GATA2: variants seen among roughly 807,000 people sequenced by gnomAD.
GATA2 encodes the protein GATA binding protein 2.
In GATA2, 6 loss-of-function variants were observed where a neutral mutation model predicts 35.7. The ratio of observed to expected loss-of-function variants is 0.17; its 90% CI spans 0.09 to 0.33. GATA2 has a LOEUF of 0.33. GATA2 is among the 10% of genes least tolerant of loss of function. The probability of loss-of-function intolerance (pLI) is 1.00; values close to 1 mark genes in which losing one functional copy is unlikely to be tolerated. For synonymous variants in GATA2, 313 were observed against 274.9 expected (o/e 1.14, Z -1.37); for missense variants, 541 against 656.6 (o/e 0.82, Z 1.92).
Position 128,485,977 on chromosome 3 carries a change from G to C in GATA2, c.621C>G (p.Asp207Glu). 1 of 1,614,204 alleles carries C rather than the reference G, an allele frequency of 6.2e-7. No homozygotes were observed. The highest frequency in any genetic ancestry group is 8.5e-7 in the Non-Finnish European group (1 of 1,180,038). ...SAGGSAARGE[D>E]KDGVKYQVSL... ...ACACCTGGTACTTGACGCCGTCCTT[G>C]TCCTCTCCTCGGGCTGCACTACCCC... The change falls in exon 3 of 6, where the codon GAC (aspartate) becomes GAG (glutamate). Residue 207 changes from aspartate to glutamate, a missense_variant. Around this residue, in one of 5 missense-constraint regions of GATA2, gnomAD observed 389 missense variants for 396.9 expected, o/e 0.98. Coordinates refer to ENST00000341105, the MANE Select transcript of GATA2 (RefSeq NM_032638.5).
In GATA2 at chr3:128,482,109, C is replaced by T. The variant is rs116972239; in HGVS notation, c.1018-165G>A. On this transcript the variant is annotated intron_variant, in intron 4 of 5. Transcript: ENST00000341105. ...ACCATGGAATTTTAGAATTTGAGAA[C>T]GAAATAAGTCAAGACTCACAGAACT... 6.6e-4 allele frequency: 577 copies of T among 875,438 alleles called. 3 individuals carry two copies. The East Asian group carries it at 0.014, about 22-fold the overall frequency. 54.2% of individuals were successfully genotyped at this position (875,438 alleles called of 1,614,324 possible).
chr3:128,480,599 C>T lies in GATA2; in HGVS notation c.*420G>A, dbSNP rs557984557. On this transcript the variant is annotated 3_prime_UTR_variant, in exon 6 of 6. Transcript: ENST00000341105. ...CCCCCAGAGCCCTGGCAAGTGGACCCGCCAATCCCGAGGAAGAACCGGAGG... is the reference window on the plus strand; with the variant it reads ...CCCCCAGAGCCCTGGCAAGTGGACCTGCCAATCCCGAGGAAGAACCGGAGG... 13 of 271,022 alleles carry T rather than the reference C, an allele frequency of 4.8e-5. No individual in the cohort carries two copies. In the South Asian group the frequency reaches 1.6e-3, roughly 34 times the overall value. 16.8% of individuals were successfully genotyped at this position (271,022 alleles called of 1,614,324 possible).
chr3:128,482,918 G>T (rs62270944), intron 4 of GATA2, among the ~76,000 whole-genome samples: 1 of 152,260 alleles, frequency 6.6e-6, no homozygotes, highest in Non-Finnish European at 1.5e-5. Flanking sequence ...GGGGCTGGGG[G>T]CTGAGGCCTG....
At position 128,481,067 on chromosome 3, in the gene GATA2, G is replaced by A; in HGVS notation, c.1395C>T (p.Leu465=). The change falls in exon 6 of 6, where the codon CTC becomes CTT. Residue 465 remains leucine (L), a synonymous_variant. Coordinates refer to ENST00000341105, the MANE Select transcript of GATA2 (RefSeq NM_032638.5). ...TGGACGGGTGGGGGTGGCCGAAGGA[G>A]AGGCTGGAGGAGGGGTGGATGGGCG... ...TPTPIHPSSS[L]SFGHPHPSSM... 6.2e-7 allele frequency: 1 copy of A among 1,603,364 alleles called. No homozygotes were observed.
In GATA2 at chr3:128,486,018, C is replaced by T; in HGVS notation, c.580G>A (p.Ala194Thr). The T allele has an allele frequency of 6.2e-7, 1 of 1,614,122 alleles. No individual in the cohort carries two copies. The highest frequency in any genetic ancestry group is 1.1e-5 in the South Asian group (1 of 91,088). ...DPSTTGAASP[A>T]SSSAGGSAAR... ...GCACTACCCCCCGCGGAAGATGAGG[C>T]TGGAGACGCAGCCCCCGTGGTGCTA... Residue 194 changes from alanine (A) to threonine (T), a missense_variant, in exon 3 of 6, where the codon GCC becomes ACC. This residue lies in a region of GATA2 where 389 missense variants were observed against 396.9 expected (regional missense o/e 0.98). Coordinates refer to ENST00000341105, the MANE Select transcript of GATA2 (RefSeq NM_032638.5).
chr3:128,486,796 T>C lies in GATA2; in HGVS notation c.229+7A>G, dbSNP rs747074892. 5.6e-6 allele frequency: 9 copies of C among 1,594,472 alleles called. No homozygotes were observed. The highest frequency in any genetic ancestry group is 4.6e-5 in the South Asian group (4 of 87,612). On this transcript the variant is annotated splice_region_variant and intron_variant, in intron 2 of 5. Coordinates refer to ENST00000341105, the MANE Select transcript of GATA2 (RefSeq NM_032638.5). Reference sequence around the variant, plus strand: ...TGGGTTCTCATCACCACGGGCCCAGTGCTCACCGTGCGCGGGGCTGTAGGA... The same window carrying C: ...TGGGTTCTCATCACCACGGGCCCAGCGCTCACCGTGCGCGGGGCTGTAGGA...
chr3:128,483,645 G>A lies in GATA2; in HGVS notation c.1017+215C>T, dbSNP rs55665236. On this transcript the variant is annotated intron_variant, in intron 4 of 5. Transcript: ENST00000341105. The stretch of plus-strand genomic sequence containing the variant: ...CGGAGCAGAGTGGGGTGGCGCAAGG[G>A]TGCCCGGTGGGCTCCCTATACCCGA... Among the ~76,000 whole-genome samples the A allele has an allele frequency of 0.014, 2,206 of 152,290 alleles. 35 individuals are homozygous for A. The highest frequency in any genetic ancestry group is 0.041 in the Middle Eastern group (12 of 294).
At chr3:128,482,401 G>C (rs545344295) in intron 4 of GATA2, among the ~76,000 whole-genome samples, 1 of 152,164 alleles carries the variant, frequency 6.6e-6, no homozygotes, top group Admixed American at 6.5e-5. Context: ...AGTCAGTGTC[G>C]CTGAGGCCAG....
Position 128,485,951 on chromosome 3 carries a change from G to A in GATA2, c.647C>T (p.Ser216Leu). Residue 216 changes from serine to leucine, a missense_variant, in exon 3 of 6, where the codon TCA (serine) becomes TTA (leucine). Physicochemically the swap from Ser to Leu is moderately radical, Grantham distance 145. Coordinates refer to ENST00000341105, the MANE Select transcript of GATA2 (RefSeq NM_032638.5). The part of the protein sequence containing the change: ...EDKDGVKYQV[S>L]LTESMKMESG... ...TTCCATCTTCATGCTCTCCGTCAGT[G>A]ACACCTGGTACTTGACGCCGTCCTT... 1 of 1,614,188 alleles carries A rather than the reference G, an allele frequency of 6.2e-7. No homozygotes were observed. Among genetic ancestry groups the A allele is most frequent in the Admixed American group, 1.7e-5 (1 of 60,032 alleles).
chr3:128,483,785 G>T, intron 4 of GATA2, 75 bp downstream of exon 4: 1 of 1,589,536 alleles, frequency 6.3e-7, no homozygotes. Context: ...GCATTTGAAG[G>T]AGTTTTTTTC....
At chr3:128,482,908 G>A (rs1321329531) in intron 4 of GATA2, among the ~76,000 whole-genome samples, 2 of 152,240 alleles carry the variant, frequency 1.3e-5, no homozygotes, top group African/African-American at 2.4e-5. Context: ...GTGAGTGTGG[G>A]GGGCTGGGGG....
Position 128,480,772 on chromosome 3 carries a change from G to C in GATA2, c.*247C>G, listed in dbSNP as rs1337479254. The C allele has an allele frequency of 2.0e-6, 1 of 509,400 alleles. No homozygotes were observed. Among genetic ancestry groups the C allele is most frequent in the African/African-American group, 1.9e-5 (1 of 52,510 alleles). The allele number at this position is 509,400 out of a possible 1,614,324, so 31.6% of individuals were successfully genotyped here. Reference sequence around the variant, plus strand: ...CTTTTCTCTACATAAAGTTGTCCTTGTTGTTCTCCAAACAACTGTCCATGC... The same window carrying C: ...CTTTTCTCTACATAAAGTTGTCCTTCTTGTTCTCCAAACAACTGTCCATGC... On this transcript the variant is annotated 3_prime_UTR_variant, in exon 6 of 6. Coordinates refer to ENST00000341105, the MANE Select transcript of GATA2 (RefSeq NM_032638.5).
Position 128,482,011 on chromosome 3 carries a change from TC to T in GATA2, c.1018-68del, listed in dbSNP as rs1407497982. 1.9e-6 allele frequency: 3 copies of T among 1,590,934 alleles called. No individual in the cohort carries two copies. In the African/African-American group the frequency reaches 4.0e-5, roughly 21 times the overall value. On this transcript the variant is annotated intron_variant, in intron 4 of 5. Transcript: ENST00000341105. Reference sequence around the variant, plus strand: ...CCACCTCGACCCCCCTCCCTGACCCTCGCTCCACCCCCAGTCCCCACCAGCT... The same window carrying T: ...CCACCTCGACCCCCCTCCCTGACCCTGCTCCACCCCCAGTCCCCACCAGCT...
intron 1 of GATA2, among the ~76,000 whole-genome samples, chr3:128,491,214 C>CCT (rs1559990041): frequency 7.8e-6 from 1 of 128,542 alleles, no homozygotes. Context: ...TCCAGCCCCC[C>CCT]CCCCCCTCTG....
chr3:128,486,954 G>C lies in GATA2; in HGVS notation c.78C>G (p.His26Gln), dbSNP rs767260206. The stretch of plus-strand genomic sequence containing the variant: ...CCATGTAGTTGTGCGCCAGGCCCGG[G>C]TGGTGTGAGTCGGGGTGCTGCGCAT... ...VLNAQHPDSH[H>Q]PGLAHNYMEP... The change falls in exon 2 of 6, where the codon CAC (histidine) becomes CAG (glutamine). Residue 26 changes from histidine to glutamine, a missense_variant. Coordinates refer to ENST00000341105, the MANE Select transcript of GATA2 (RefSeq NM_032638.5). The C allele has an allele frequency of 8.7e-6, 14 of 1,612,586 alleles. No homozygotes were observed. The highest frequency in any genetic ancestry group is 1.2e-5 in the Non-Finnish European group (14 of 1,179,438).
Position 128,486,158 on chromosome 3 carries a change from C to T in GATA2, c.440G>A (p.Gly147Glu). The stretch of plus-strand genomic sequence containing the variant: ...TGAGCTCCCGCTGCCTCCCCCGCTC[C>T]CACCCCCAGCCCCTGGGTACACAGA... ...PLSVYPGAGG[G>E]SGGGSGSSVA... The change falls in exon 3 of 6, where the codon GGG becomes GAG. Residue 147 changes from glycine to glutamate, a missense_variant. Coordinates refer to ENST00000341105, the MANE Select transcript of GATA2 (RefSeq NM_032638.5). 1 of 1,573,722 alleles carries T rather than the reference C, an allele frequency of 6.4e-7. No individual in the cohort carries two copies.
intron 4 of GATA2, 30 bp from the exon 5 acceptor site, chr3:128,481,974 G>C: frequency 6.2e-7 from 1 of 1,610,422 alleles, no homozygotes; most frequent in Non-Finnish European, 8.5e-7. Flanking sequence ...TCAGCAGGCT[G>C]GACTCCCACG....
intron 1 of GATA2, chr3:128,490,711 G>A (rs2068759191): frequency 6.6e-6 from 1 of 152,258 alleles, no homozygotes; most frequent in African/African-American, 2.4e-5. Flanking sequence ...TTAGGCCGAA[G>A]ACATGGTCCT....
intron 1 of GATA2, chr3:128,491,905 C>G (rs2068772814): frequency 6.6e-6 from 1 of 152,292 alleles, no homozygotes; most frequent in Non-Finnish European, 1.5e-5. Context: ...GGCGGCCTGA[C>G]AACTGGTAAA....
Sources: gnomAD v4.1 joint callset for allele counts (sites outside exome capture counted in the v4.1 genomes callset) on GRCh38, gnomAD v4.1.1 for gene constraint, gnomAD v4.1.1 regional missense constraint, MANE v1.5 for transcripts, NCBI Gene and HGNC (gene_info 2026-07-23, HGNC 2026-07-21) for gene names.